Variants in PHAF1 observed in about 807,000 individuals in gnomAD.
The protein encoded by PHAF1 is phagophore assembly factor 1.
Under a neutral mutation model 63.1 loss-of-function variants are expected in PHAF1, and 23 were observed. That is an observed-to-expected ratio of 0.36 (90% confidence interval 0.26 to 0.52). The LOEUF (loss-of-function observed/expected upper bound fraction) is 0.52. Among genes scored for constraint, PHAF1 ranks in the 20% least tolerant of loss-of-function variants. PHAF1 has a pLI of 0.93. For missense variants in PHAF1, 427 were observed against 517.2 expected, an observed-to-expected ratio of 0.83 and a Z score of 1.69; for synonymous variants, 167 against 185.0, an observed-to-expected ratio of 0.90 and a Z score of 0.79.
At chr16:67,110,312 T>C (rs1026584522) in intron 1 of PHAF1, 73 bp downstream of exon 1, 1 of 1,497,376 alleles carries the variant, frequency 6.7e-7, no homozygotes, top group African/African-American at 1.4e-5. Flanking sequence ...CCACCTGTTC[T>C]CAGTCTCTCA....
At position 67,146,431 on chromosome 16, in the gene PHAF1, T is replaced by G. The variant is rs542203960; in HGVS notation, c.1182+81T>G. On this transcript the variant is annotated intron_variant, in intron 15 of 15. Transcript: ENST00000219139. Reference sequence around the variant, plus strand: ...GGCCAGGTGAATGATGGAGGGAAATTGGGGAGGGCATCACTGCCATAGTGG... The same window carrying G: ...GGCCAGGTGAATGATGGAGGGAAATGGGGGAGGGCATCACTGCCATAGTGG... 446 of 1,422,524 alleles carry G rather than the reference T, an allele frequency of 3.1e-4. 1 individual carries two copies. The African/African-American group carries it at 5.7e-3, about 18-fold the overall frequency. The allele number at this position is 1,422,524 out of a possible 1,614,324, so 88.1% of individuals were successfully genotyped here. A position where few individuals can be genotyped will look rare whatever the true frequency, so the allele number is the denominator to read the frequency against.
At chr16:67,117,634 A>C (rs1219249389) in intron 1 of PHAF1, among the ~76,000 whole-genome samples, 6 of 151,300 alleles carry the variant, frequency 4.0e-5, no homozygotes, top group African/African-American at 1.5e-4. Context: ...AAAATTAGCC[A>C]GGCGTGGTGG....
At chr16:67,136,739 C>T (rs1963624846) in intron 8 of PHAF1, among the ~76,000 whole-genome samples, 1 of 151,930 alleles carries the variant, frequency 6.6e-6, no homozygotes, top group Non-Finnish European at 1.5e-5. Flanking sequence ...CACACCACCA[C>T]ACCCAGCTAA....
chr16:67,143,497 T>C (rs1963882556), intron 10 of PHAF1, among the ~76,000 whole-genome samples: 1 of 152,200 alleles, frequency 6.6e-6, no homozygotes, highest in Non-Finnish European at 1.5e-5. Flanking sequence ...GCTCTGCTGC[T>C]TACCATCTGG....
chr16:67,132,254 C>T (rs1963432208), intron 4 of PHAF1, 192 bp from the exon 5 acceptor site: 4 of 562,656 alleles, frequency 7.1e-6, no homozygotes, highest in Non-Finnish European at 1.2e-5. Flanking sequence ...GTATATCAGC[C>T]TCATGAGAAC....
chr16:67,131,713 A>G (rs1431681299), intron 4 of PHAF1, among the ~76,000 whole-genome samples: 1 of 152,240 alleles, frequency 6.6e-6, no homozygotes, highest in Non-Finnish European at 1.5e-5. Context: ...TCCAAAGCCT[A>G]TGCTGAAGAG....
chr16:67,140,138 TCTC>T (rs768731815), intron 9 of PHAF1, 21 bp downstream of exon 9: 23 of 1,608,986 alleles, frequency 1.4e-5, no homozygotes, highest in South Asian at 3.3e-5. Flanking sequence ...TATGTTGCAG[TCTC>T]CTCCTTTTTT....
At chr16:67,146,456 GGCAGATTCAT>G (rs1439822124) in intron 15 of PHAF1, 106 bp downstream of exon 15, 1 of 1,178,340 alleles carries the variant, frequency 8.5e-7, no homozygotes, top group Non-Finnish European at 1.3e-6. Flanking sequence ...TGCCATAGTG[GGCAGATTCAT>G]CCTTCTTCAG....
chr16:67,127,149 T>C (rs1234195140), intron 3 of PHAF1, among the ~76,000 whole-genome samples: 1 of 152,166 alleles, frequency 6.6e-6, no homozygotes, highest in Non-Finnish European at 1.5e-5. Context: ...ATTACAGGCA[T>C]GAGCCACCGC....
chr16:67,126,624 T>C (rs1474317654), intron 3 of PHAF1, among the ~76,000 whole-genome samples: 4 of 149,844 alleles, frequency 2.7e-5, no homozygotes, highest in African/African-American at 9.9e-5. Context: ...AGATGAGGTC[T>C]AGCTCTGTCA....
intron 3 of PHAF1, among the ~76,000 whole-genome samples, chr16:67,130,629 G>A (rs1963357292): frequency 6.6e-6 from 1 of 152,188 alleles, no homozygotes; most frequent in African/African-American, 2.4e-5. Flanking sequence ...GATTATAGGC[G>A]TGAGCCACCG....
At chr16:67,143,052 C>G (rs1475494060) in intron 10 of PHAF1, among the ~76,000 whole-genome samples, 2 of 152,024 alleles carry the variant, frequency 1.3e-5, no homozygotes, top group African/African-American at 4.8e-5. Flanking sequence ...GGATATGAAG[C>G]TGGAAAGGGT....
At chr16:67,123,449 T>G (rs1354701202) in intron 2 of PHAF1, among the ~76,000 whole-genome samples, 1 of 152,000 alleles carries the variant, frequency 6.6e-6, no homozygotes, top group African/African-American at 2.4e-5. Context: ...TGGTGGTGCA[T>G]ACCTGTAATC....
In PHAF1 at chr16:67,128,693, C is replaced by T. The variant is rs971636333; in HGVS notation, c.232-2593C>T. On this transcript the variant is annotated intron_variant, in intron 3 of 15. Transcript: ENST00000219139. ...ATGGAAAATCATGGGCTTTAGCCTT[C>T]CCAGCTGCTTGTCCCTGTAGTGCAG... Among the ~76,000 whole-genome samples the T allele has an allele frequency of 1.2e-4, 18 of 152,186 alleles. 1 individual carries two copies. The highest frequency in any genetic ancestry group is 1.5e-5 in the Non-Finnish European group (1 of 68,030).
chr16:67,142,308 T>C (rs1409782528), intron 10 of PHAF1, among the ~76,000 whole-genome samples: 2 of 152,208 alleles, frequency 1.3e-5, no homozygotes, highest in Non-Finnish European at 1.5e-5. Flanking sequence ...GCATGCTGAT[T>C]GGTCCATGAG....
At chr16:67,112,517 C>CAG (rs1464342119) in intron 1 of PHAF1, among the ~76,000 whole-genome samples, 4 of 150,180 alleles carry the variant, frequency 2.7e-5, no homozygotes, top group Non-Finnish European at 4.4e-5. Context: ...TCCTGGGTGA[C>CAG]AGAGAGAGAC....
At chr16:67,110,330 G>C in intron 1 of PHAF1, 91 bp downstream of exon 1, 1 of 1,384,620 alleles carries the variant, frequency 7.2e-7, no homozygotes, top group Non-Finnish European at 1.0e-6. Context: ...TCACGCCCCT[G>C]CGCCCGCAGC....
intron 1 of PHAF1, among the ~76,000 whole-genome samples, chr16:67,110,492 T>G (rs1469766016): frequency 6.6e-6 from 1 of 152,138 alleles, no homozygotes; most frequent in Non-Finnish European, 1.5e-5. Context: ...AATAATAGCT[T>G]GCTCTCCCCA....
chr16:67,122,369 C>T (rs1210838114), intron 2 of PHAF1, among the ~76,000 whole-genome samples: 3 of 152,050 alleles, frequency 2.0e-5, no homozygotes, highest in Non-Finnish European at 4.4e-5. Flanking sequence ...CCCAACACTT[C>T]GGGAGGGCCG....
Sources: gnomAD v4.1 joint callset for allele counts (sites outside exome capture counted in the v4.1 genomes callset) on GRCh38, gnomAD v4.1.1 for gene constraint, MANE v1.5 for transcripts, NCBI Gene and HGNC (gene_info 2026-07-23, HGNC 2026-07-21) for gene names.